FAM200A: variants seen among roughly 807,000 people sequenced by gnomAD.
The protein encoded by FAM200A is ZBED8 like, also known as protein FAM200A.
In FAM200A, 26 loss-of-function variants were observed where a neutral mutation model predicts 44.2. That is an observed-to-expected ratio of 0.59 (90% CI 0.43 to 0.82). FAM200A has a LOEUF of 0.82. Among genes scored for constraint, FAM200A ranks in the 40% least tolerant of loss-of-function variants. FAM200A has a pLI of 0.00. For synonymous variants in FAM200A, 206 were observed against 244.4 expected, an observed-to-expected ratio of 0.84 and a Z score of 1.47; for missense variants, 606 against 669.5, an observed-to-expected ratio of 0.91 and a Z score of 1.05.
At chr7:99,555,402 C>A (rs1802658085), upstream of FAM200A, among the ~76,000 whole-genome samples, 1 of 152,182 alleles carries the variant, frequency 6.6e-6, no homozygotes, top group Non-Finnish European at 1.5e-5. Flanking sequence ...AGCCTCCAGA[C>A]TGTGAACCAA....
rs1802411976 is a variant in FAM200A at position 99,547,318 on chromosome 7, T to C, written c.1090A>G (p.Lys364Glu). The C allele has an allele frequency of 1.3e-6, 2 of 1,550,426 alleles. No individual in the cohort carries two copies. The highest frequency in any genetic ancestry group is 8.7e-7 in the Non-Finnish European group (1 of 1,146,590). The stretch of plus-strand genomic sequence containing the variant: ...AGATACTGAAATATATCATTGTTTT[T>C]CCCCTGCATTTTCAGGCTTAATTCA... ...LNELSLKMQGKNNDIFQYLEH... is the reference protein window; with the variant it reads ...LNELSLKMQGENNDIFQYLEH... Residue 364 changes from lysine (K) to glutamate (E), a missense_variant, in exon 2 of 2, where the codon AAA becomes GAA. Physicochemically the swap from Lys to Glu is moderately conservative, Grantham distance 56 (BLOSUM62 1). Transcript: ENST00000449309.
chr7:99,557,493 A>G (rs757299302), intron 1 of FAM200A, among the ~76,000 whole-genome samples: 24 of 152,264 alleles, frequency 1.6e-4, no homozygotes, highest in Non-Finnish European at 4.4e-5. Context: ...AACAATAGAT[A>G]GACATCACCA....
chr7:99,547,795 G>A lies in FAM200A; in HGVS notation c.613C>T (p.His205Tyr). 1 of 1,551,544 alleles carries A rather than the reference G, an allele frequency of 6.4e-7. No homozygotes were observed. Among genetic ancestry groups the A allele is most frequent in the Non-Finnish European group, 8.7e-7 (1 of 1,146,980 alleles). Residue 205 changes from histidine to tyrosine, a missense_variant, in exon 2 of 2, where the codon CAT becomes TAT. By Grantham distance (83) the His-to-Tyr change is moderately conservative (BLOSUM62 2). Transcript: ENST00000449309. ...LLGQYKLNWK[H>Y]CKGISSDGTA... ...CCATCACTTGAAATTCCTTTACAAT[G>A]TTTCCAGTTTAATTTATACTGACCA... is the stretch of plus-strand genomic sequence containing the variant.
rs1802399077 is a variant in FAM200A at position 99,546,865 on chromosome 7, A to G, written c.1543T>C (p.Leu515=). Residue 515 remains leucine (L), a synonymous_variant, in exon 2 of 2, where the codon TTG becomes CTG. Transcript: ENST00000449309. The stretch of plus-strand genomic sequence containing the variant: ...GTAGTTGTGAATGGTAGTAACAGCA[A>G]TATACTCTTCCTACTTAGCAGTGGA... The part of the protein sequence containing the change: ...DFPLLSRKSI[L]LLLPFTTTYL... 5.8e-6 allele frequency: 9 copies of G among 1,551,112 alleles called. No homozygotes were observed. The Admixed American group carries it at 1.2e-4, about 20-fold the overall frequency.
In FAM200A at chr7:99,547,829, G is replaced by A; in HGVS notation, c.579C>T (p.Asn193=). The A allele has an allele frequency of 6.4e-7, 1 of 1,551,314 alleles. No individual in the cohort carries two copies. The highest frequency in any genetic ancestry group is 8.7e-7 in the Non-Finnish European group (1 of 1,146,890). Residue 193 remains asparagine, a synonymous_variant, in exon 2 of 2, where the codon AAC becomes AAT. Transcript: ENST00000449309. ...TGLDLFTELE[N]CLLGQYKLNW... is the part of the protein sequence containing the mutation. Reference sequence around the variant, plus strand: ...TTAATTTATACTGACCAAGAAGGCAGTTTTCTAATTCAGTAAATAAATCTA... The same window carrying A: ...TTAATTTATACTGACCAAGAAGGCAATTTTCTAATTCAGTAAATAAATCTA...
chr7:99,552,276 G>A (rs150755178), upstream of FAM200A: 1,170 of 545,048 alleles, frequency 2.1e-3, 7 homozygotes, highest in African/African-American at 0.018. Flanking sequence ...CACAGGGCGG[G>A]GAAAAAGGGA....
chr7:99,547,907 A>G lies in FAM200A; in HGVS notation c.501T>C (p.Asp167=), dbSNP rs544601628. Residue 167 remains aspartate, a synonymous_variant, in exon 2 of 2, where the codon GAT becomes GAC. Transcript: ENST00000449309. ...LVYVRYVWQD[D]FVEDLLCCLN... Reference sequence around the variant, plus strand: ...AACAACATAAGAGATCCTCTACAAAATCATCTTGCCACACATATCTGACAT... The same window carrying G: ...AACAACATAAGAGATCCTCTACAAAGTCATCTTGCCACACATATCTGACAT... 6.4e-7 allele frequency: 1 copy of G among 1,551,238 alleles called. No homozygotes were observed. The highest frequency in any genetic ancestry group is 1.2e-5 in the South Asian group (1 of 84,048).
chr7:99,554,339 T>C (rs1351557840), upstream of FAM200A, among the ~76,000 whole-genome samples: 1 of 151,856 alleles, frequency 6.6e-6, no homozygotes, highest in Non-Finnish European at 1.5e-5. Context: ...ATTACCTGGG[T>C]ACGGTGGTGT....
upstream of FAM200A, among the ~76,000 whole-genome samples, chr7:99,554,347 T>C (rs915382952): frequency 1.3e-5 from 2 of 151,622 alleles, no homozygotes; most frequent in African/African-American, 2.4e-5. Context: ...GGTACGGTGG[T>C]GTGTGCCTGT....
upstream of FAM200A, among the ~76,000 whole-genome samples, chr7:99,552,984 T>TAC (rs1180891339): frequency 1.2e-3 from 177 of 141,712 alleles, no homozygotes; most frequent in Non-Finnish European, 2.3e-3. Flanking sequence ...TATATATATA[T>TAC]ACACACATAT....
At chr7:99,556,345 C>G (rs1802674734), upstream of FAM200A, among the ~76,000 whole-genome samples, 1 of 152,138 alleles carries the variant, frequency 6.6e-6, no homozygotes, top group Non-Finnish European at 1.5e-5. Context: ...TGAGCCACGA[C>G]TTTGACTCAG....
Position 99,546,560 on chromosome 7 carries a change from G to C in FAM200A, c.*126C>G. ...AGGTTTCTATTTTTAGTAGAGATGG[G>C]GTTTCACCATGTTGGCCAGGCTGGT... is the stretch of plus-strand genomic sequence containing the variant. On this transcript the variant is annotated 3_prime_UTR_variant, in exon 2 of 2. Coordinates refer to ENST00000449309, the MANE Select transcript of FAM200A (RefSeq NM_145111.4). 1 of 1,006,582 alleles carries C rather than the reference G, an allele frequency of 9.9e-7. No homozygotes were observed. Among genetic ancestry groups the C allele is most frequent in the Non-Finnish European group, 1.3e-6 (1 of 744,708 alleles). The allele number at this position is 1,006,582 out of a possible 1,614,324, so 62.4% of individuals were successfully genotyped here.
Position 99,547,259 on chromosome 7 carries a change from T to G in FAM200A, c.1149A>C (p.Leu383Phe). The G allele has an allele frequency of 6.4e-7, 1 of 1,551,396 alleles. No individual in the cohort carries two copies. The highest frequency in any genetic ancestry group is 2.4e-5 in the East Asian group (1 of 40,884). Residue 383 changes from leucine to phenylalanine, a missense_variant, in exon 2 of 2, where the codon TTA becomes TTC. Transcript: ENST00000449309. Reference sequence around the variant, plus strand: ...TACTTTTAAGTCTTGCTTGCCACAATAATAACGTCTTTTGGAATCCTAGAA... The same window carrying G: ...TACTTTTAAGTCTTGCTTGCCACAAGAATAACGTCTTTTGGAATCCTAGAA... ...EHILGFQKTL[L>F]LWQARLKSNR...
In FAM200A at chr7:99,547,176, A is replaced by G; in HGVS notation, c.1232T>C (p.Ile411Thr). The G allele has an allele frequency of 6.5e-7, 1 of 1,548,130 alleles. No homozygotes were observed. The highest frequency in any genetic ancestry group is 8.7e-7 in the Non-Finnish European group (1 of 1,146,014). The change falls in exon 2 of 2, where the codon ATT (isoleucine) becomes ACT (threonine). Residue 411 changes from isoleucine to threonine, a missense_variant. Transcript: ENST00000449309. The part of the protein sequence containing the change: ...TLLQHIEENI[I>T]NEDCLKEIKL... ...TATTTCTTTTAAGCAGTCTTCATTA[A>G]TAATGTTCTCTTCGATGTGTTGCAA...
chr7:99,553,883 C>T (rs1458373633), upstream of FAM200A, among the ~76,000 whole-genome samples: 2 of 152,144 alleles, frequency 1.3e-5, no homozygotes, highest in African/African-American at 4.8e-5. Flanking sequence ...TTTGTAGCTT[C>T]GAGTTCACTG....
intron 1 of FAM200A, among the ~76,000 whole-genome samples, chr7:99,551,615 T>TCGTGTAAGATCGCCAGAATTTTACAA (rs1802533166): frequency 6.6e-6 from 1 of 152,156 alleles, no homozygotes; most frequent in Non-Finnish European, 1.5e-5. Flanking sequence ...GCACTTGGTA[T>TCGTGTAAGATCGCCAGAATTTTACAA]CGTGTAAGAT....
intron 1 of FAM200A, among the ~76,000 whole-genome samples, chr7:99,549,177 T>TA (rs982978395): frequency 1.4e-5 from 2 of 147,614 alleles, no homozygotes; most frequent in African/African-American, 5.0e-5. Flanking sequence ...TTGTATTTCT[T>TA]AAAAATAAGA....
upstream of FAM200A, among the ~76,000 whole-genome samples, chr7:99,555,415 G>A (rs906513007): frequency 3.3e-5 from 5 of 152,166 alleles, no homozygotes; most frequent in Admixed American, 6.5e-5. Context: ...TGAACCAACA[G>A]ATTTCTGTTG....
chr7:99,553,673 T>C (rs1802618757), upstream of FAM200A, among the ~76,000 whole-genome samples: 1 of 152,260 alleles, frequency 6.6e-6, no homozygotes, highest in Admixed American at 6.5e-5. Context: ...TACTCCTGTA[T>C]GCACATAGTC....
Sources: allele counts gnomAD v4.1 joint callset (sites outside exome capture counted in the v4.1 genomes callset), GRCh38; gene constraint gnomAD v4.1.1; transcripts MANE v1.5; gene names NCBI Gene and HGNC (gene_info 2026-07-23, HGNC 2026-07-21).